The following TMCC1 variants were observed in gnomAD, a reference collection of about 807,000 sequenced individuals.
TMCC1 encodes transmembrane and coiled-coil domains protein 1.
TMCC1 carries 15 observed loss-of-function variants against 52.4 expected under a neutral mutation model. That is an observed-to-expected ratio of 0.29 (90% CI 0.19 to 0.44). The LOEUF (loss-of-function observed/expected upper bound fraction) is 0.44. TMCC1 is among the 20% of genes least tolerant of loss of function. The probability of loss-of-function intolerance (pLI) is 1.00; values close to 1 mark genes in which losing one functional copy is unlikely to be tolerated. For missense variants in TMCC1, 503 were observed against 806.0 expected, an observed-to-expected ratio of 0.62 and a Z score of 4.55; for synonymous variants, 279 against 301.9, an observed-to-expected ratio of 0.92 and a Z score of 0.79.
Position 129,780,891 on chromosome 3 carries a change from C to T in TMCC1, c.576+46912G>A, listed in dbSNP as rs1056134134. Among the ~76,000 whole-genome samples the T allele has an allele frequency of 3.0e-4, 46 of 152,104 alleles. 1 individual carries two copies. Among genetic ancestry groups the T allele is most frequent in the African/African-American group, 1.1e-3 (44 of 41,518 alleles). ...TCTCTTGCATTGTCCAGTATGATAG[C>T]CACTAACTACAGGTTGCTAGTTAAA... On this transcript the variant is annotated intron_variant, in intron 4 of 6. Coordinates refer to ENST00000393238, the MANE Select transcript of TMCC1 (RefSeq NM_001017395.5).
chr3:129,776,777 T>A (rs563172395), intron 4 of TMCC1, among the ~76,000 whole-genome samples: 2 of 152,252 alleles, frequency 1.3e-5, no homozygotes, highest in South Asian at 4.1e-4. Flanking sequence ...ACAGGTGTAG[T>A]AGTCACCATG....
intron 2 of TMCC1, among the ~76,000 whole-genome samples, chr3:129,836,723 A>T (rs986877362): frequency 6.6e-6 from 1 of 152,230 alleles, no homozygotes; most frequent in Non-Finnish European, 1.5e-5. Context: ...TAAACCAAAA[A>T]TTCTGACAAA....
intron 4 of TMCC1, among the ~76,000 whole-genome samples, chr3:129,778,514 T>C (rs943217813): frequency 1.3e-5 from 2 of 152,144 alleles, no homozygotes; most frequent in Non-Finnish European, 2.9e-5. Flanking sequence ...TTACAAAAAG[T>C]GTACTATTTT....
At chr3:129,889,921 T>TTAA (rs566765681) in intron 1 of TMCC1, among the ~76,000 whole-genome samples, 4 of 134,930 alleles carry the variant, frequency 3.0e-5, no homozygotes, top group African/African-American at 1.1e-4. Context: ...GTAGCAAAGT[T>TTAA]AAAAAAAAAA....
chr3:129,823,950 G>A (rs971262672), intron 4 of TMCC1, among the ~76,000 whole-genome samples: 1 of 152,160 alleles, frequency 6.6e-6, no homozygotes, highest in African/African-American at 2.4e-5. Context: ...AGGAAAAAGA[G>A]GTTAAAGAGT....
At chr3:129,797,323 C>G (rs1389915337) in intron 4 of TMCC1, among the ~76,000 whole-genome samples, 1 of 149,202 alleles carries the variant, frequency 6.7e-6, no homozygotes, top group Non-Finnish European at 1.5e-5. Context: ...GACACTCCAT[C>G]TCAAACAAAA....
At chr3:129,844,269 A>G (rs2059560907) in intron 2 of TMCC1, among the ~76,000 whole-genome samples, 1 of 152,196 alleles carries the variant, frequency 6.6e-6, no homozygotes, top group Non-Finnish European at 1.5e-5. Flanking sequence ...AATGTATAAA[A>G]AGCTAAAAAA....
chr3:129,893,204 G>A (rs1396192526), intron 1 of TMCC1: 1 of 152,322 alleles, frequency 6.6e-6, no homozygotes, highest in African/African-American at 2.4e-5. Context: ...ATGCTGGGAA[G>A]GGAACGAGGC....
At chr3:129,854,211 G>A (rs1277231716) in intron 2 of TMCC1, among the ~76,000 whole-genome samples, 1 of 151,922 alleles carries the variant, frequency 6.6e-6, no homozygotes, top group Non-Finnish European at 1.5e-5. Context: ...GGCCAACATG[G>A]TGAAACCCTG....
At chr3:129,723,258 T>C (rs373708204) in intron 4 of TMCC1, among the ~76,000 whole-genome samples, 2 of 152,148 alleles carry the variant, frequency 1.3e-5, no homozygotes, top group African/African-American at 4.8e-5. Context: ...GATACAAGTT[T>C]CACACTGAGA....
chr3:129,700,192 T>C (rs1024318186), intron 4 of TMCC1, among the ~76,000 whole-genome samples: 2 of 152,080 alleles, frequency 1.3e-5, no homozygotes, highest in African/African-American at 4.8e-5. Context: ...CTTAGGAACA[T>C]AGTGAGACCT....
intron 4 of TMCC1, among the ~76,000 whole-genome samples, chr3:129,763,423 G>A (rs2053800845): frequency 6.8e-6 from 1 of 148,052 alleles, no homozygotes; most frequent in South Asian, 2.1e-4. Context: ...GACTGCACCT[G>A]TAGTCCCAAC....
chr3:129,853,436 G>A (rs752384094), intron 2 of TMCC1, among the ~76,000 whole-genome samples: 17 of 151,846 alleles, frequency 1.1e-4, no homozygotes, highest in Non-Finnish European at 2.2e-4. Context: ...ACCAGCCTAC[G>A]GAACAGTGAG....
intron 4 of TMCC1, among the ~76,000 whole-genome samples, chr3:129,748,540 A>G (rs1254448873): frequency 6.6e-6 from 1 of 152,112 alleles, no homozygotes; most frequent in African/African-American, 2.4e-5. Flanking sequence ...CACCTGCCTC[A>G]GCCTCCCAAA....
intron 4 of TMCC1, among the ~76,000 whole-genome samples, chr3:129,760,747 G>T (rs899710307): frequency 5.3e-5 from 8 of 151,334 alleles, no homozygotes; most frequent in Non-Finnish European, 1.0e-4. Flanking sequence ...AAAGTGCTGG[G>T]ATTACAGGTG....
At chr3:129,875,706 TA>T (rs1282757861) in intron 2 of TMCC1, among the ~76,000 whole-genome samples, 4 of 152,058 alleles carry the variant, frequency 2.6e-5, no homozygotes, top group Admixed American at 1.3e-4. Flanking sequence ...TTTTTTTTAA[TA>T]AACAAATGAA....
intron 4 of TMCC1, among the ~76,000 whole-genome samples, chr3:129,802,553 G>A (rs1490332280): frequency 6.6e-6 from 1 of 152,200 alleles, no homozygotes; most frequent in Non-Finnish European, 1.5e-5. Flanking sequence ...GTTACAGTGA[G>A]CTATGATAGT....
intron 2 of TMCC1, among the ~76,000 whole-genome samples, chr3:129,851,561 C>A (rs143851193): frequency 2.6e-5 from 4 of 152,218 alleles, no homozygotes; most frequent in African/African-American, 9.6e-5. Context: ...AACATTAGGA[C>A]GGCTACTATC....
At chr3:129,833,170 G>C (rs1477084007) in intron 2 of TMCC1, among the ~76,000 whole-genome samples, 1 of 151,952 alleles carries the variant, frequency 6.6e-6, no homozygotes, top group African/African-American at 2.4e-5. Flanking sequence ...TAATCTTAAA[G>C]TAACATGAAA....
Sources: allele counts gnomAD v4.1 joint callset (sites outside exome capture counted in the v4.1 genomes callset), GRCh38; gene constraint gnomAD v4.1.1; transcripts MANE v1.5; gene names NCBI Gene and HGNC (gene_info 2026-07-23, HGNC 2026-07-21).